The following RABEPK variants were observed in gnomAD, a reference collection of about 807,000 sequenced individuals.
RABEPK encodes Rab9 effector protein with kelch motifs.
RABEPK carries 27 observed loss-of-function variants against 34.1 expected under a neutral mutation model. The ratio of observed to expected loss-of-function variants is 0.79; its 90% CI spans 0.58 to 1.09. The LOEUF is 1.09. RABEPK is among the 50% of genes least tolerant of loss of function. RABEPK has a pLI of 0.00. For synonymous variants in RABEPK, 172 were observed against 169.2 expected, an observed-to-expected ratio of 1.02 and a Z score of -0.13; for missense variants, 449 against 462.6, an observed-to-expected ratio of 0.97 and a Z score of 0.27.
At chr9:125,205,791 A>G (rs1830188975) in intron 2 of RABEPK, among the ~76,000 whole-genome samples, 1 of 152,052 alleles carries the variant, frequency 6.6e-6, no homozygotes, top group African/African-American at 2.4e-5. Flanking sequence ...CCCGGCCCTC[A>G]AAGGGGTTTT....
In RABEPK at chr9:125,213,580, C is replaced by G. The variant is rs1399944076; in HGVS notation, c.364+58C>G. On this transcript the variant is annotated intron_variant, in intron 4 of 7. Coordinates refer to ENST00000373538, the MANE Select transcript of RABEPK (RefSeq NM_005833.4). ...ATACAAATAAACTTTCATGCACACA[C>G]ACACACATATATATAAATCCAATTA... The G allele has an allele frequency of 3.7e-6, 5 of 1,367,108 alleles. No homozygotes were observed. The Admixed American group carries it at 9.1e-5, about 25-fold the overall frequency. 84.7% of individuals were successfully genotyped at this position (1,367,108 alleles called of 1,614,324 possible).
chr9:125,226,344 G>T (rs1393579589), intron 5 of RABEPK, among the ~76,000 whole-genome samples: 2 of 149,416 alleles, frequency 1.3e-5, no homozygotes, highest in Admixed American at 1.3e-4. Context: ...AAAAAAAAAA[G>T]TTGAGTGCCA....
intron 4 of RABEPK, 67 bp from the exon 5 acceptor site, chr9:125,220,472 C>G: frequency 6.5e-7 from 1 of 1,538,028 alleles, no homozygotes; most frequent in African/African-American, 1.4e-5. Flanking sequence ...CTTCACTCAG[C>G]CCCAGAGTCA....
chr9:125,208,339 A>G (rs1011124350), intron 3 of RABEPK, among the ~76,000 whole-genome samples: 3 of 152,152 alleles, frequency 2.0e-5, no homozygotes, highest in African/African-American at 4.8e-5. Flanking sequence ...TATCCAATAT[A>G]TCACTAAGCC....
intron 6 of RABEPK, among the ~76,000 whole-genome samples, chr9:125,229,316 C>A (rs1288608677): frequency 6.6e-6 from 1 of 151,948 alleles, no homozygotes; most frequent in Non-Finnish European, 1.5e-5. Context: ...ACCTGTAGTC[C>A]TGGCTACGTG....
chr9:125,231,922 G>A (rs1389020549), intron 6 of RABEPK, among the ~76,000 whole-genome samples: 4 of 137,012 alleles, frequency 2.9e-5, no homozygotes, highest in South Asian at 2.3e-4. Flanking sequence ...TTTTTGAGAC[G>A]GAGCTTCGCT....
At chr9:125,225,091 AAAT>A (rs1049623114) in intron 5 of RABEPK, among the ~76,000 whole-genome samples, 1 of 151,976 alleles carries the variant, frequency 6.6e-6, no homozygotes, top group Non-Finnish European at 1.5e-5. Flanking sequence ...CCATCTCTAA[AAAT>A]AATAATAAGA....
At chr9:125,218,316 C>T (rs1309839467) in intron 4 of RABEPK, among the ~76,000 whole-genome samples, 4 of 94,916 alleles carry the variant, frequency 4.2e-5, no homozygotes, top group South Asian at 8.0e-4. Flanking sequence ...AGCGAGACTC[C>T]GTCTCAAAAA....
intron 1 of RABEPK, among the ~76,000 whole-genome samples, chr9:125,201,855 G>A (rs1279744904): frequency 6.6e-6 from 1 of 151,376 alleles, no homozygotes; most frequent in African/African-American, 2.4e-5. Flanking sequence ...CTCATGATCC[G>A]CCTGCCTCGG....
At chr9:125,218,657 T>C (rs1831114961) in intron 4 of RABEPK, among the ~76,000 whole-genome samples, 1 of 152,178 alleles carries the variant, frequency 6.6e-6, no homozygotes. Flanking sequence ...AAGATCTTGG[T>C]GTTACTGAAA....
rs779130346 is a variant in RABEPK at position 125,200,749 on chromosome 9, TTCTTTCCCGACCCCG to T, written c.-160_-146del. 1 of 471,204 alleles carries T rather than the reference TTCTTTCCCGACCCCG, an allele frequency of 2.1e-6. No individual in the cohort carries two copies. Among genetic ancestry groups the T allele is most frequent in the South Asian group, 1.5e-5 (1 of 64,570 alleles). 29.2% of individuals were successfully genotyped at this position (471,204 alleles called of 1,614,324 possible). On this transcript the variant is annotated 5_prime_UTR_variant, in exon 1 of 8. Coordinates refer to ENST00000373538, the MANE Select transcript of RABEPK (RefSeq NM_005833.4). ...CGGCCACTTTGACCGAATCAGCCTG[TTCTTTCCCGACCCCG>T]TCTCCTATCCCCTAGAACTGCCACG...
intron 7 of RABEPK, among the ~76,000 whole-genome samples, chr9:125,233,394 G>A (rs956159332): frequency 1.4e-5 from 2 of 143,162 alleles, no homozygotes; most frequent in African/African-American, 5.3e-5. Context: ...GCTGTAGTGC[G>A]GTGACGTGAT....
intron 5 of RABEPK, among the ~76,000 whole-genome samples, chr9:125,223,833 C>A (rs1389470012): frequency 6.6e-6 from 1 of 151,776 alleles, no homozygotes; most frequent in Non-Finnish European, 1.5e-5. Context: ...CTTGAACAAC[C>A]AGCAGGCATA....
chr9:125,202,899 T>G (rs1829995328), intron 1 of RABEPK, 109 bp from the exon 2 acceptor site: 1 of 570,390 alleles, frequency 1.8e-6, no homozygotes, highest in African/African-American at 1.9e-5. Context: ...TTCAAATCAA[T>G]CAGGCCTAGA....
At chr9:125,220,757 C>A in intron 5 of RABEPK, 57 bp downstream of exon 5, 1 of 1,534,098 alleles carries the variant, frequency 6.5e-7, no homozygotes, top group Non-Finnish European at 8.8e-7. Flanking sequence ...TACACATTAC[C>A]TAATATAGGA....
At chr9:125,231,164 G>GT (rs1162196151) in intron 6 of RABEPK, among the ~76,000 whole-genome samples, 1 of 151,900 alleles carries the variant, frequency 6.6e-6, no homozygotes, top group Non-Finnish European at 1.5e-5. Flanking sequence ...TTAGCCGGGT[G>GT]TGGCGGCACG....
chr9:125,201,433 T>C (rs1300743530), intron 1 of RABEPK, among the ~76,000 whole-genome samples: 4 of 152,210 alleles, frequency 2.6e-5, no homozygotes, highest in African/African-American at 4.8e-5. Context: ...CTATGCTATG[T>C]TGAGGCCAAG....
intron 6 of RABEPK, among the ~76,000 whole-genome samples, chr9:125,229,069 C>T (rs548128220): frequency 2.0e-4 from 30 of 151,858 alleles, no homozygotes; most frequent in African/African-American, 6.3e-4. Context: ...GCCTGGCCAA[C>T]ATGGTGAAAC....
At chr9:125,229,600 T>C (rs927087139) in intron 6 of RABEPK, among the ~76,000 whole-genome samples, 1 of 152,220 alleles carries the variant, frequency 6.6e-6, no homozygotes, top group African/African-American at 2.4e-5. Flanking sequence ...CAGCCATTTA[T>C]TGTCTCTTAA....
Sources: allele counts gnomAD v4.1 joint callset (sites outside exome capture counted in the v4.1 genomes callset), GRCh38; gene constraint gnomAD v4.1.1; transcripts MANE v1.5; gene names NCBI Gene and HGNC (gene_info 2026-07-23, HGNC 2026-07-21).